Variants in DIXDC1 observed in about 807,000 individuals in gnomAD.
The protein encoded by DIXDC1 is DIX domain containing 1, also known as dixin.
Under a neutral mutation model 103.1 loss-of-function variants are expected in DIXDC1, and 64 were observed. The ratio of observed to expected loss-of-function variants is 0.62; its 90% CI spans 0.51 to 0.76. DIXDC1 has a LOEUF of 0.76. DIXDC1 is among the 30% of genes least tolerant of loss of function. DIXDC1 has a pLI of 0.00. For missense variants in DIXDC1, 759 were observed against 834.2 expected (o/e 0.91, Z 1.11); for synonymous variants, 266 against 298.5 (o/e 0.89, Z 1.12).
At chr11:111,981,011 G>T (rs1297793090) in intron 6 of DIXDC1, among the ~76,000 whole-genome samples, 162 bp downstream of exon 6, 1 of 152,130 alleles carries the variant, frequency 6.6e-6, no homozygotes, top group Non-Finnish European at 1.5e-5. Flanking sequence ...AATTAATGTG[G>T]TTATCCTCTT....
At chr11:112,007,890 CT>C (rs139880680) in intron 17 of DIXDC1, among the ~76,000 whole-genome samples, 12,572 of 152,160 alleles carry the variant, frequency 0.083, 1,538 homozygotes, top group African/African-American at 0.26. Flanking sequence ...TATGATGAAA[CT>C]TGCATCAATT....
intron 1 of DIXDC1, among the ~76,000 whole-genome samples, chr11:111,962,491 A>G (rs1282176266): frequency 6.6e-6 from 1 of 152,052 alleles, no homozygotes; most frequent in East Asian, 1.9e-4. Flanking sequence ...CCAAGAAAAA[A>G]AAAGAGGCAG....
intron 10 of DIXDC1, among the ~76,000 whole-genome samples, chr11:111,989,684 T>C (rs1190313905): frequency 2.6e-5 from 4 of 151,572 alleles, no homozygotes; most frequent in Non-Finnish European, 5.9e-5. Context: ...TGTTTTTGAA[T>C]AGTTAACTAA....
rs587611098 is a variant in DIXDC1, at chr11:111,994,376, AAAAAC to A, written c.1438-626_1438-622del. 3.0e-3 allele frequency among the ~76,000 whole-genome samples: 456 copies of A among 151,988 alleles called. 4 individuals are homozygous for A. Among genetic ancestry groups the A allele is most frequent in the African/African-American group, 9.9e-3 (410 of 41,324 alleles). ...GCACTCCAGCCTGGGTGACAGATCA[AAAAAC>A]AAAACAAAACAAAACATACATATAT... On this transcript the variant is annotated intron_variant, in intron 14 of 19. Coordinates refer to ENST00000440460, the MANE Select transcript of DIXDC1 (RefSeq NM_001037954.4).
In DIXDC1 at chr11:111,989,009, A is replaced by C; in HGVS notation, c.1067A>C (p.Glu356Ala). ...CTAACTATATTTGGTTTGCAGAAGG[A>C]ACTGCTGAAATGTAAACAAGAAGCC... ...SMEENQDLKK[E>A]LLKCKQEARN... is the part of the protein sequence containing the mutation. The change falls in exon 10 of 20, where the codon GAA becomes GCA. Residue 356 changes from glutamate (E) to alanine (A), a missense_variant. By Grantham distance (107) the Glu-to-Ala change is moderately radical. Transcript: ENST00000440460. The C allele has an allele frequency of 2.5e-6, 4 of 1,611,270 alleles. No individual in the cohort carries two copies. Among genetic ancestry groups the C allele is most frequent in the Non-Finnish European group, 3.4e-6 (4 of 1,178,808 alleles).
intron 1 of DIXDC1, among the ~76,000 whole-genome samples, chr11:111,959,181 A>G (rs1859491993): frequency 6.6e-6 from 1 of 152,210 alleles, no homozygotes; most frequent in Admixed American, 6.5e-5. Context: ...CAGGTCTGAA[A>G]CATGCCCCTT....
At chr11:111,933,130 C>A (rs1024219036), upstream of DIXDC1, among the ~76,000 whole-genome samples, 3 of 152,016 alleles carry the variant, frequency 2.0e-5, no homozygotes, top group African/African-American at 7.3e-5. Flanking sequence ...TTAGAGTTTT[C>A]TTTTGGTTTT....
intron 1 of DIXDC1, among the ~76,000 whole-genome samples, chr11:111,955,462 C>T (rs1447012454): frequency 1.3e-5 from 2 of 151,634 alleles, no homozygotes; most frequent in African/African-American, 4.8e-5. Context: ...CTTACAGTGT[C>T]AGAAAGTAAG....
intron 17 of DIXDC1, among the ~76,000 whole-genome samples, chr11:112,001,915 CCTGGCT>C (rs1861079501): frequency 6.6e-6 from 1 of 152,068 alleles, no homozygotes. Context: ...CACCACCACA[CCTGGCT>C]AATTTTTGTA....
intron 10 of DIXDC1, among the ~76,000 whole-genome samples, chr11:111,991,403 T>C (rs1361040977): frequency 2.6e-5 from 4 of 152,242 alleles, no homozygotes; most frequent in Non-Finnish European, 5.9e-5. Flanking sequence ...TTGGGAAATA[T>C]TCCTTTGAAC....
chr11:112,014,126 G>T (rs1372477216), intron 17 of DIXDC1, among the ~76,000 whole-genome samples: 1 of 152,174 alleles, frequency 6.6e-6, no homozygotes, highest in Non-Finnish European at 1.5e-5. Context: ...CAACATTGGG[G>T]ATCAACTTTC....
At chr11:111,993,877 C>T (rs45579845) in intron 14 of DIXDC1, 137 bp downstream of exon 14, 39,521 of 964,534 alleles carry the variant, frequency 0.041, 984 homozygotes, top group Non-Finnish European at 0.049. Flanking sequence ...AGTGCAGGTT[C>T]CAGAATAAGA....
intron 1 of DIXDC1, among the ~76,000 whole-genome samples, chr11:111,955,441 G>C (rs587630120): frequency 6.6e-6 from 1 of 151,978 alleles, no homozygotes; most frequent in East Asian, 1.9e-4. Flanking sequence ...TAGATGAGGA[G>C]TCTGGAGAAT....
rs1555178109 is a variant in DIXDC1, at chr11:112,018,975, C to T, written c.1991C>T (p.Ala664Val). 1 of 1,613,006 alleles carries T rather than the reference C, an allele frequency of 6.2e-7. No homozygotes were observed. The highest frequency in any genetic ancestry group is 8.5e-7 in the Non-Finnish European group (1 of 1,179,398). The stretch of plus-strand genomic sequence containing the variant: ...CTCTAGATTTTCCATGATGATGATG[C>T]CATCCCTGGATGGGAAGGGAAAATT... ...VKEEIFHDDD[A>V]IPGWEGKIVA... Residue 664 changes from alanine (A) to valine (V), a missense_variant, in exon 20 of 20, where the codon GCC becomes GTC. Around this residue, in one of 3 missense-constraint regions of DIXDC1, gnomAD observed 657 missense variants for 727.5 expected, o/e 0.90. Coordinates refer to ENST00000440460, the MANE Select transcript of DIXDC1 (RefSeq NM_001037954.4).
intron 2 of DIXDC1, among the ~76,000 whole-genome samples, chr11:111,965,669 G>A (rs1555171429): frequency 6.6e-6 from 1 of 151,760 alleles, no homozygotes; most frequent in Non-Finnish European, 1.5e-5. Context: ...CATATCTTTG[G>A]GAAACATAAT....
chr11:111,947,189 C>T (rs587689842), intron 1 of DIXDC1, among the ~76,000 whole-genome samples: 2 of 152,086 alleles, frequency 1.3e-5, no homozygotes, highest in South Asian at 2.1e-4. Flanking sequence ...TTTTGGACTC[C>T]TGACCCTGGC....
At position 111,964,684 on chromosome 11, in the gene DIXDC1, T is replaced by G. The variant is rs1294051184; in HGVS notation, c.190+6T>G. On this transcript the variant is annotated splice_donor_region_variant and intron_variant, in intron 2 of 19. Transcript: ENST00000440460. ...ATATCTCATCGAGATTGTTGGTCAG[T>G]TGGCCCTGGACTCTGATACTAGAGT... 3.1e-6 allele frequency: 5 copies of G among 1,600,612 alleles called. No homozygotes were observed. The African/African-American group carries it at 5.4e-5, about 17-fold the overall frequency.
At chr11:111,988,812 G>T in intron 9 of DIXDC1, 193 bp from the exon 10 acceptor site, 1 of 416,322 alleles carries the variant, frequency 2.4e-6, no homozygotes, top group Admixed American at 4.4e-5. Flanking sequence ...AGGGAAGAAC[G>T]GAATGGTTCT....
chr11:111,933,223 G>A (rs1470353403), upstream of DIXDC1, among the ~76,000 whole-genome samples: 1 of 152,082 alleles, frequency 6.6e-6, no homozygotes, highest in African/African-American at 2.4e-5. Flanking sequence ...CCACCTCCCA[G>A]GTTCAAGCGA....
Sources: allele counts gnomAD v4.1 joint callset (sites outside exome capture counted in the v4.1 genomes callset), GRCh38; gene constraint gnomAD v4.1.1; regional missense constraint gnomAD v4.1.1; transcripts MANE v1.5; gene names NCBI Gene and HGNC (gene_info 2026-07-23, HGNC 2026-07-21).